Variants in CDYL2 observed in about 807,000 individuals in gnomAD.
CDYL2 encodes the protein chromodomain Y like 2, also known as chromodomain Y-like protein 2.
In CDYL2, 23 loss-of-function variants were observed where a neutral mutation model predicts 49.4. That is an observed-to-expected ratio of 0.47 (90% CI 0.34 to 0.66). The LOEUF (loss-of-function observed/expected upper bound fraction) is 0.66. Ranked by LOEUF, CDYL2 falls within the 30% of genes least tolerant of loss-of-function variation. The probability of loss-of-function intolerance (pLI) is 0.01; values close to 1 mark genes in which losing one functional copy is unlikely to be tolerated. For synonymous variants in CDYL2, 360 were observed against 268.8 expected (o/e 1.34, Z -3.32); for missense variants, 678 against 656.4 (o/e 1.03, Z -0.36).
intron 1 of CDYL2, among the ~76,000 whole-genome samples, chr16:80,735,335 A>C (rs1157348042): frequency 6.6e-6 from 1 of 152,232 alleles, no homozygotes; most frequent in African/African-American, 2.4e-5. Context: ...TTTTCTGAGA[A>C]AAATAAAGTA....
At chr16:80,721,472 T>C (rs1226411592) in intron 1 of CDYL2, among the ~76,000 whole-genome samples, 1 of 152,156 alleles carries the variant, frequency 6.6e-6, no homozygotes, top group Non-Finnish European at 1.5e-5. Context: ...CTTCCATCAG[T>C]GACTATTTGG....
At chr16:80,671,060 G>C in intron 2 of CDYL2, 1 of 452,086 alleles carries the variant, frequency 2.2e-6, no homozygotes, top group Non-Finnish European at 4.5e-6. Flanking sequence ...TGACCCCAGT[G>C]GAGGCTTCTC....
chr16:80,737,016 G>A (rs930171064), intron 1 of CDYL2, among the ~76,000 whole-genome samples: 7 of 152,120 alleles, frequency 4.6e-5, no homozygotes, highest in African/African-American at 7.2e-5. Context: ...CTTTTGTTAC[G>A]TGGGAGAAGG....
intron 1 of CDYL2, among the ~76,000 whole-genome samples, chr16:80,762,524 C>T (rs1256689630): frequency 1.3e-5 from 2 of 152,174 alleles, no homozygotes; most frequent in South Asian, 2.1e-4. Flanking sequence ...TCATTTCAGG[C>T]CAAAGCGTGA....
intron 4 of CDYL2, among the ~76,000 whole-genome samples, chr16:80,614,808 G>A (rs770582869): frequency 9.3e-5 from 14 of 149,754 alleles, no homozygotes; most frequent in Admixed American, 6.7e-5. Context: ...AGGTTGTAGT[G>A]AGCCGAGATC....
Position 80,766,283 on chromosome 16 carries a change from CA to C in CDYL2, c.24+37866del, listed in dbSNP as rs113086101. 8.3e-3 allele frequency among the ~76,000 whole-genome samples: 1,221 copies of C among 147,802 alleles called. 21 individuals carry two copies. Among genetic ancestry groups the C allele is most frequent in the African/African-American group, 0.028 (1,134 of 40,352 alleles). On this transcript the variant is annotated intron_variant, in intron 1 of 6. Coordinates refer to ENST00000570137, the MANE Select transcript of CDYL2 (RefSeq NM_152342.4). ...CACATCTCAATACAACTTTTATTGA[CA>C]AAAAAAAAGAGAAGGTTCACAAAGA...
At chr16:80,776,702 G>C (rs781073913) in intron 1 of CDYL2, among the ~76,000 whole-genome samples, 4 of 151,352 alleles carry the variant, frequency 2.6e-5, no homozygotes, top group Non-Finnish European at 4.4e-5. Context: ...GCATAATGTA[G>C]AGTAAAAAAA....
chr16:80,704,575 T>A (rs1484358410), intron 1 of CDYL2, among the ~76,000 whole-genome samples: 1 of 152,192 alleles, frequency 6.6e-6, no homozygotes, highest in Admixed American at 6.5e-5. Flanking sequence ...ACCACCGGTG[T>A]GTACAAGGTA....
At chr16:80,736,563 A>C (rs1334832547) in intron 1 of CDYL2, 1 of 152,228 alleles carries the variant, frequency 6.6e-6, no homozygotes, top group East Asian at 1.9e-4. Flanking sequence ...ACAGGACAGC[A>C]ATGTGGCTGA....
At chr16:80,708,811 C>G (rs943881404) in intron 1 of CDYL2, among the ~76,000 whole-genome samples, 4 of 151,882 alleles carry the variant, frequency 2.6e-5, no homozygotes, top group Admixed American at 6.5e-5. Flanking sequence ...TCAGGTTGTT[C>G]TCAGTTCCAA....
chr16:80,615,032 C>G (rs1311036161), intron 4 of CDYL2, among the ~76,000 whole-genome samples: 1 of 152,120 alleles, frequency 6.6e-6, no homozygotes, highest in East Asian at 1.9e-4. Context: ...TAGAAGGTAT[C>G]TTACGATCTA....
chr16:80,778,842 A>G (rs1254604262), intron 1 of CDYL2, among the ~76,000 whole-genome samples: 2 of 152,122 alleles, frequency 1.3e-5, no homozygotes, highest in South Asian at 2.1e-4. Flanking sequence ...AATATGTTAC[A>G]ATTTCATCAA....
At chr16:80,660,468 G>A (rs1490202086) in intron 2 of CDYL2, among the ~76,000 whole-genome samples, 1 of 151,954 alleles carries the variant, frequency 6.6e-6, no homozygotes, top group Non-Finnish European at 1.5e-5. Flanking sequence ...ACAATCTACA[G>A]CTAGCTTCTG....
At chr16:80,762,038 T>C (rs1489423467) in intron 1 of CDYL2, among the ~76,000 whole-genome samples, 14 of 151,426 alleles carry the variant, frequency 9.2e-5, no homozygotes, top group Admixed American at 9.2e-4. Context: ...ATACAAAAAT[T>C]AGCCAGGCAT....
intron 1 of CDYL2, among the ~76,000 whole-genome samples, chr16:80,724,384 G>C (rs1905099743): frequency 1.3e-5 from 2 of 150,484 alleles, no homozygotes; most frequent in South Asian, 4.1e-4. Context: ...TTCTGTCTTA[G>C]CATTGCTATC....
chr16:80,695,786 G>A (rs1236745366), intron 1 of CDYL2, among the ~76,000 whole-genome samples: 1 of 151,874 alleles, frequency 6.6e-6, no homozygotes, highest in Non-Finnish European at 1.5e-5. Context: ...AGGAGGGAAA[G>A]ACCTCAATAC....
chr16:80,630,992 T>G (rs1303139452), intron 3 of CDYL2, among the ~76,000 whole-genome samples: 1 of 152,010 alleles, frequency 6.6e-6, no homozygotes, highest in Non-Finnish European at 1.5e-5. Flanking sequence ...TAACCTCCCA[T>G]TGCTATTATG....
At chr16:80,763,740 A>G (rs965424657) in intron 1 of CDYL2, among the ~76,000 whole-genome samples, 3 of 152,254 alleles carry the variant, frequency 2.0e-5, no homozygotes, top group African/African-American at 7.2e-5. Flanking sequence ...TGGAGTCCCA[A>G]AATAATTTGC....
intron 1 of CDYL2, among the ~76,000 whole-genome samples, chr16:80,776,810 A>G (rs569114384): frequency 6.6e-6 from 1 of 151,828 alleles, no homozygotes; most frequent in South Asian, 2.1e-4. Flanking sequence ...GCATACGTAT[A>G]TATTACAAAA....
Sources: allele counts gnomAD v4.1 joint callset (sites outside exome capture counted in the v4.1 genomes callset), GRCh38; gene constraint gnomAD v4.1.1; transcripts MANE v1.5; gene names NCBI Gene and HGNC (gene_info 2026-07-23, HGNC 2026-07-21).